The following YTHDC1 variants were observed in gnomAD, a reference collection of about 807,000 sequenced individuals.
YTHDC1 encodes YTH N6-methyladenosine RNA binding protein C1, also known as YTH domain-containing protein 1.
In YTHDC1, 12 loss-of-function variants were observed where a neutral mutation model predicts 107.0. That is an observed-to-expected ratio of 0.11 (90% CI 0.07 to 0.18). The LOEUF is 0.18. Among genes scored for constraint, YTHDC1 ranks in the 10% least tolerant of loss-of-function variants. YTHDC1 has a pLI of 1.00. For synonymous variants in YTHDC1, 280 were observed against 289.5 expected, an observed-to-expected ratio of 0.97 and a Z score of 0.33; for missense variants, 635 against 898.8, an observed-to-expected ratio of 0.71 and a Z score of 3.75.
At chr4:68,347,362 C>T (rs1725567479) in intron 1 of YTHDC1, among the ~76,000 whole-genome samples, 1 of 152,156 alleles carries the variant, frequency 6.6e-6, no homozygotes, top group Non-Finnish European at 1.5e-5. Context: ...TATTAGTTAA[C>T]ACCAACATTG....
At chr4:68,339,822 C>T (rs996808566) in intron 1 of YTHDC1, among the ~76,000 whole-genome samples, 6 of 152,086 alleles carry the variant, frequency 3.9e-5, no homozygotes, top group Admixed American at 3.9e-4. Flanking sequence ...AAGCACAAAA[C>T]TTGTTCAGAG....
chr4:68,316,388 G>C lies in YTHDC1; in HGVS notation c.1885C>G (p.Pro629Ala). 3 of 1,614,042 alleles carry C rather than the reference G, an allele frequency of 1.9e-6. No individual in the cohort carries two copies. Among genetic ancestry groups the C allele is most frequent in the Non-Finnish European group, 2.5e-6 (3 of 1,179,948 alleles). ...GAGTAAGGGGGATGAGCTTGAGGAG[G>C]TGGAGCATGGTGCTGATAGTAAGGA... is the stretch of plus-strand genomic sequence containing the variant. ...HHPYYQHHAP[P>A]PQAHPPYSGH... Residue 629 changes from proline (P) to alanine (A), a missense_variant, in exon 16 of 17, where the codon CCT (proline) becomes GCT (alanine). Around this residue, in one of 5 missense-constraint regions of YTHDC1, gnomAD observed 256 missense variants for 372.9 expected, o/e 0.69. Coordinates refer to ENST00000344157, the MANE Select transcript of YTHDC1 (RefSeq NM_001031732.4).
intron 1 of YTHDC1, among the ~76,000 whole-genome samples, chr4:68,348,803 C>A (rs769577835): frequency 6.6e-6 from 1 of 152,142 alleles, no homozygotes; most frequent in Non-Finnish European, 1.5e-5. Context: ...CACAGAGCAG[C>A]GACCGTGTCA....
Position 68,350,049 on chromosome 4 carries a change from A to C in YTHDC1, c.-296T>G. 3.8e-6 allele frequency: 2 copies of C among 522,194 alleles called. No homozygotes were observed. Among genetic ancestry groups the C allele is most frequent in the East Asian group, 3.4e-5 (1 of 29,456 alleles). 32.3% of individuals were successfully genotyped at this position (522,194 alleles called of 1,614,324 possible). A position where few individuals can be genotyped will look rare whatever the true frequency, so the allele number is the denominator to read the frequency against. On this transcript the variant is annotated 5_prime_UTR_variant, in exon 1 of 17. Coordinates refer to ENST00000344157, the MANE Select transcript of YTHDC1 (RefSeq NM_001031732.4). ...GATGGCGACGGCGGGCGGCGCTAAA[A>C]TGGAGCCTGCTTCCTGCGCGAAACA...
intron 12 of YTHDC1, among the ~76,000 whole-genome samples, chr4:68,319,576 A>G (rs1722223830): frequency 1.3e-5 from 2 of 152,174 alleles, no homozygotes; most frequent in South Asian, 4.1e-4. Flanking sequence ...CCTAAGTTTC[A>G]CAAGTGTATC....
intron 12 of YTHDC1, among the ~76,000 whole-genome samples, chr4:68,319,530 G>A (rs987229196): frequency 4.6e-5 from 7 of 152,136 alleles, no homozygotes; most frequent in African/African-American, 1.7e-4. Flanking sequence ...TTACATAATA[G>A]TGCTATAATG....
intron 11 of YTHDC1, among the ~76,000 whole-genome samples, chr4:68,321,097 TAA>T (rs1178748650): frequency 3.3e-5 from 5 of 152,042 alleles, no homozygotes; most frequent in Admixed American, 3.3e-4. Flanking sequence ...TAGCAGCTAA[TAA>T]AGAGTTAAAC....
chr4:68,328,303 C>T (rs1401376991), intron 9 of YTHDC1, among the ~76,000 whole-genome samples: 2 of 152,156 alleles, frequency 1.3e-5, no homozygotes, highest in African/African-American at 2.4e-5. Flanking sequence ...TTCCTCTGGC[C>T]TTTACAGAGC....
chr4:68,340,319 TG>T lies in YTHDC1; in HGVS notation c.29-1936del, dbSNP rs371271452. ...AAAGATATCTGAAAATTACTATGTC[TG>T]GAATAGCAAAATTGATCATTTTGGG... On this transcript the variant is annotated intron_variant, in intron 1 of 16. Transcript: ENST00000344157. 5.8e-3 allele frequency among the ~76,000 whole-genome samples: 877 copies of T among 152,266 alleles called. 9 individuals carry two copies. Among genetic ancestry groups the T allele is most frequent in the African/African-American group, 0.02 (826 of 41,588 alleles).
At chr4:68,349,124 TCA>T (rs1725780289) in intron 1 of YTHDC1, among the ~76,000 whole-genome samples, 1 of 152,194 alleles carries the variant, frequency 6.6e-6, no homozygotes, top group East Asian at 1.9e-4. Flanking sequence ...CCAGCCTAAG[TCA>T]CACAGTCATC....
chr4:68,316,829 C>T (rs1486171130), intron 15 of YTHDC1, among the ~76,000 whole-genome samples: 1 of 152,176 alleles, frequency 6.6e-6, no homozygotes, highest in Non-Finnish European at 1.5e-5. Flanking sequence ...AGTTAAGTAA[C>T]CTGCTTATAG....
intron 9 of YTHDC1, 104 bp from the exon 10 acceptor site, chr4:68,324,327 C>T (rs1015525201): frequency 9.7e-7 from 1 of 1,029,626 alleles, no homozygotes; most frequent in Non-Finnish European, 1.4e-6. Context: ...TTAAATGTGA[C>T]TAAATTTTAA....
In YTHDC1 at chr4:68,322,700, T is replaced by C. The variant is rs1238266877; in HGVS notation, c.1601+49A>G. 4 of 1,586,638 alleles carry C rather than the reference T, an allele frequency of 2.5e-6. No individual in the cohort carries two copies. The highest frequency in any genetic ancestry group is 2.6e-6 in the Non-Finnish European group (3 of 1,161,612). On this transcript the variant is annotated intron_variant, in intron 11 of 16. Transcript: ENST00000344157. This position sits in a 1 kb window ranked among gnomAD's most constrained non-coding sequence, Gnocchi z 4.8. The stretch of plus-strand genomic sequence containing the variant: ...TTTGACGAATCATATTCCTCCATCA[T>C]GTTATTCTGATACATGTGCCTATTA...
chr4:68,332,095 G>C lies in YTHDC1; in HGVS notation c.1122+8C>G, dbSNP rs777983387. ...TTAGGATAGTTTCAACAGAACTGAT[G>C]CTAATACCTTCGCTTTGGCAAGAGA... On this transcript the variant is annotated splice_region_variant and intron_variant, in intron 7 of 16. Transcript: ENST00000344157. 7.6e-6 allele frequency: 12 copies of C among 1,573,988 alleles called. No homozygotes were observed. Among genetic ancestry groups the C allele is most frequent in the Non-Finnish European group, 7.8e-6 (9 of 1,155,404 alleles).
chr4:68,325,395 T>C (rs1461547774), intron 9 of YTHDC1, among the ~76,000 whole-genome samples: 1 of 152,142 alleles, frequency 6.6e-6, no homozygotes, highest in African/African-American at 2.4e-5. Context: ...TAAAGCCTTA[T>C]GTAGAGAACT....
At chr4:68,340,347 G>A (rs911487302) in intron 1 of YTHDC1, among the ~76,000 whole-genome samples, 2 of 152,002 alleles carry the variant, frequency 1.3e-5, no homozygotes, top group African/African-American at 2.4e-5. Flanking sequence ...CATTTTGGGT[G>A]GTACCAATGC....
chr4:68,338,179 G>T, intron 2 of YTHDC1, 104 bp downstream of exon 2: 30 of 1,311,888 alleles, frequency 2.3e-5, no homozygotes, highest in Non-Finnish European at 3.1e-5. Flanking sequence ...AGTGTTAACT[G>T]CCTCAAGGAA....
intron 1 of YTHDC1, among the ~76,000 whole-genome samples, chr4:68,345,010 AAC>A (rs534328912): frequency 3.7e-3 from 565 of 152,330 alleles, no homozygotes; most frequent in Admixed American, 6.5e-3. Flanking sequence ...CAGCCTGGGC[AAC>A]AGAGTAAGAC....
intron 7 of YTHDC1, among the ~76,000 whole-genome samples, chr4:68,330,825 C>T (rs969819066): frequency 2.6e-5 from 4 of 152,076 alleles, no homozygotes; most frequent in Admixed American, 2.6e-4. Context: ...AAGAGGCCTA[C>T]GTTTTACCTA....
Sources: allele counts gnomAD v4.1 joint callset (sites outside exome capture counted in the v4.1 genomes callset), GRCh38; gene constraint gnomAD v4.1.1; regional missense constraint gnomAD v4.1.1; non-coding constraint Gnocchi (gnomAD v3.1); transcripts MANE v1.5; gene names NCBI Gene and HGNC (gene_info 2026-07-23, HGNC 2026-07-21).